The following ZNG1E variants were observed in gnomAD, a reference collection of about 807,000 sequenced individuals.
ZNG1E encodes the protein zinc-regulated GTPase metalloprotein activator 1E.
the ZNG1E span, among the ~76,000 whole-genome samples, chr9:65,709,305 T>A: frequency 6.6e-6 from 1 of 150,872 alleles, no homozygotes; most frequent in African/African-American, 2.5e-5. Flanking sequence ...CTCTCTTCAC[T>A]TTATTTTTTT....
the ZNG1E span, chr9:65,732,975 C>T: frequency 6.2e-7 from 1 of 1,608,352 alleles, no homozygotes; most frequent in Non-Finnish European, 8.5e-7. Flanking sequence ...AATGTTCAAT[C>T]AATTCTCCTT....
At chr9:65,666,887 C>T in the ZNG1E span, among the ~76,000 whole-genome samples, 3 of 152,238 alleles carry the variant, frequency 2.0e-5, no homozygotes, top group African/African-American at 7.2e-5. Context: ...ATGGCACGAT[C>T]TTGGCTCACT....
chr9:65,663,118 C>T, the ZNG1E span, among the ~76,000 whole-genome samples: 1 of 152,260 alleles, frequency 6.6e-6, no homozygotes, highest in African/African-American at 2.4e-5. Context: ...CAGATGAGTG[C>T]TCTGTTTCTG....
the ZNG1E span, among the ~76,000 whole-genome samples, chr9:65,663,231 A>C: frequency 1.4e-4 from 21 of 152,368 alleles, no homozygotes; most frequent in East Asian, 3.9e-3. Context: ...ATCTCCCAGG[A>C]ATGTAACCCT....
At chr9:65,687,826 G>A in the ZNG1E span, among the ~76,000 whole-genome samples, 1 of 149,576 alleles carries the variant, frequency 6.7e-6, no homozygotes, top group African/African-American at 2.4e-5. Flanking sequence ...ATGCCTGAGA[G>A]TTTTCTTCTT....
chr9:65,691,832 CCTTT>C, the ZNG1E span, among the ~76,000 whole-genome samples: 3 of 149,958 alleles, frequency 2.0e-5, no homozygotes, highest in Non-Finnish European at 4.4e-5. Context: ...ATGTTTTCTC[CCTTT>C]CTCTTTCCCT....
the ZNG1E span, among the ~76,000 whole-genome samples, chr9:65,715,044 A>C: frequency 1.4e-4 from 21 of 149,402 alleles, 1 homozygote; most frequent in East Asian, 3.9e-4. Context: ...GCTAGCAATC[A>C]GCGAGACTCC....
At chr9:65,671,595 C>G in the ZNG1E span, among the ~76,000 whole-genome samples, 10 of 152,238 alleles carry the variant, frequency 6.6e-5, no homozygotes, top group Admixed American at 6.5e-4. Flanking sequence ...GCTGGGATTA[C>G]AGGCATGAGC....
At chr9:65,663,905 A>G in the ZNG1E span, among the ~76,000 whole-genome samples, 59 of 152,094 alleles carry the variant, frequency 3.9e-4, no homozygotes, top group Non-Finnish European at 6.2e-4. Context: ...AGTTCATGTT[A>G]TTGCAAGGGT....
At chr9:65,657,433 C>G in the ZNG1E span, among the ~76,000 whole-genome samples, 1 of 152,250 alleles carries the variant, frequency 6.6e-6, no homozygotes, top group Non-Finnish European at 1.5e-5. Flanking sequence ...ATGGTTGGAA[C>G]TGGAGGACCT....
At chr9:65,658,238 C>T in the ZNG1E span, among the ~76,000 whole-genome samples, 4 of 152,214 alleles carry the variant, frequency 2.6e-5, no homozygotes, top group South Asian at 8.3e-4. Flanking sequence ...TATTGTATTG[C>T]ACCCACGAAC....
the ZNG1E span, among the ~76,000 whole-genome samples, chr9:65,683,833 C>G: frequency 2.0e-5 from 3 of 152,280 alleles, no homozygotes; most frequent in Non-Finnish European, 2.9e-5. Flanking sequence ...GTTTTCATAC[C>G]TTTCTGATAA....
the ZNG1E span, among the ~76,000 whole-genome samples, chr9:65,671,617 G>A: frequency 1.3e-5 from 2 of 152,238 alleles, no homozygotes; most frequent in African/African-American, 2.4e-5. Context: ...ACTGTGTCTG[G>A]CTGAGATTGC....
the ZNG1E span, among the ~76,000 whole-genome samples, chr9:65,659,181 C>G: frequency 6.6e-6 from 1 of 152,170 alleles, no homozygotes; most frequent in Non-Finnish European, 1.5e-5. Context: ...TTGGAAGACA[C>G]AGAGCAGTGC....
the ZNG1E span, among the ~76,000 whole-genome samples, chr9:65,663,173 A>G: frequency 6.6e-6 from 1 of 152,270 alleles, no homozygotes; most frequent in Non-Finnish European, 1.5e-5. Context: ...GAGGAAGAAC[A>G]AGTAGCTCCT....
chr9:65,722,697 A>ATTTTTGTT, the ZNG1E span, among the ~76,000 whole-genome samples: 2 of 8,400 alleles, frequency 2.4e-4, no homozygotes, highest in African/African-American at 4.8e-4. Flanking sequence ...TGCCTAGCTA[A>ATTTTTGTT]TTTTTTTTTT....
chr9:65,712,631 G>A, the ZNG1E span, among the ~76,000 whole-genome samples: 2 of 94,778 alleles, frequency 2.1e-5, no homozygotes, highest in Non-Finnish European at 2.1e-5. Context: ...TCATTCAGGA[G>A]CAGGTTGTTC....
At chr9:65,721,036 A>G in the ZNG1E span, among the ~76,000 whole-genome samples, 2 of 150,638 alleles carry the variant, frequency 1.3e-5, no homozygotes, top group Non-Finnish European at 2.9e-5. Flanking sequence ...TTGAACATGA[A>G]GCACATTTGA....
the ZNG1E span, chr9:65,682,332 A>G: frequency 1.3e-5 from 2 of 151,294 alleles, no homozygotes; most frequent in Non-Finnish European, 2.9e-5. Flanking sequence ...TTGATAAAAT[A>G]AGAAAAAAGG....
Sources: allele counts gnomAD v4.1 joint callset (sites outside exome capture counted in the v4.1 genomes callset), GRCh38; gene constraint gnomAD v4.1.1; transcripts MANE v1.5; gene names NCBI Gene and HGNC (gene_info 2026-07-23, HGNC 2026-07-21).